The following PPP2R2B variants were observed in gnomAD, a reference collection of about 807,000 sequenced individuals.
PPP2R2B encodes the protein protein phosphatase 2 regulatory subunit Bbeta, also known as serine/threonine-protein phosphatase 2A 55 kDa regulatory subunit B beta isoform.
Under a neutral mutation model 46.0 loss-of-function variants are expected in PPP2R2B, and 5 were observed. That is an observed-to-expected ratio of 0.11 (90% confidence interval 0.06 to 0.23). PPP2R2B has a LOEUF of 0.23. PPP2R2B is among the 10% of genes least tolerant of loss of function. The pLI is 1.00. For missense variants in PPP2R2B, 367 were observed against 575.0 expected, an observed-to-expected ratio of 0.64 and a Z score of 3.70; for synonymous variants, 215 against 206.7, an observed-to-expected ratio of 1.04 and a Z score of -0.34.
chr5:146,682,209 T>G (rs1778220279), intron 5 of PPP2R2B, among the ~76,000 whole-genome samples: 1 of 152,218 alleles, frequency 6.6e-6, no homozygotes, highest in African/African-American at 2.4e-5. Context: ...ACACTCTGAA[T>G]GCAAGGCAGC....
chr5:146,900,750 C>T (rs1762808463), intron 1 of PPP2R2B, among the ~76,000 whole-genome samples: 2 of 151,926 alleles, frequency 1.3e-5, no homozygotes, highest in Non-Finnish European at 2.9e-5. Context: ...TTAAGCCGGG[C>T]ATGCATTAGC....
At chr5:146,881,655 A>G (rs1561984664), upstream of PPP2R2B, among the ~76,000 whole-genome samples, 1 of 152,086 alleles carries the variant, frequency 6.6e-6, no homozygotes, top group Non-Finnish European at 1.5e-5. Context: ...TCAGTGATCT[A>G]CCTGACTGGG....
chr5:146,687,317 A>G (rs1427840987), intron 5 of PPP2R2B, among the ~76,000 whole-genome samples: 2 of 152,156 alleles, frequency 1.3e-5, no homozygotes, highest in African/African-American at 2.4e-5. Flanking sequence ...CGAAGGGCTC[A>G]GGTCCCAGAG....
At chr5:146,664,254 A>T (rs571530576) in intron 5 of PPP2R2B, among the ~76,000 whole-genome samples, 36 of 152,328 alleles carry the variant, frequency 2.4e-4, no homozygotes, top group African/African-American at 8.7e-4. Context: ...TTATCCACAG[A>T]ACTTCTTTCA....
At chr5:147,054,804 T>C in intron 1 of PPP2R2B, 1 of 401,556 alleles carries the variant, frequency 2.5e-6, no homozygotes, top group South Asian at 1.8e-5. Flanking sequence ...AGGACAATCC[T>C]TAAGCCTGAA....
chr5:146,593,958 G>A (rs1770918512), intron 8 of PPP2R2B, among the ~76,000 whole-genome samples: 1 of 152,234 alleles, frequency 6.6e-6, no homozygotes. Context: ...GGCATGAGCA[G>A]TGATGGGGAC....
intron 3 of PPP2R2B, among the ~76,000 whole-genome samples, chr5:146,700,655 T>C (rs1561843079): frequency 6.6e-6 from 1 of 152,184 alleles, no homozygotes; most frequent in African/African-American, 2.4e-5. Context: ...TGTTGGCAAA[T>C]AAACTATGTT....
intron 2 of PPP2R2B, among the ~76,000 whole-genome samples, chr5:146,732,164 T>A (rs1309020449): frequency 2.0e-5 from 3 of 152,200 alleles, no homozygotes; most frequent in African/African-American, 7.2e-5. Context: ...ATTCTGCTTC[T>A]AACTTACGGT....
At chr5:146,863,978 C>T (rs1432775904) in intron 2 of PPP2R2B, among the ~76,000 whole-genome samples, 6 of 152,112 alleles carry the variant, frequency 3.9e-5, no homozygotes, top group Non-Finnish European at 7.4e-5. Flanking sequence ...AGGGCCATAG[C>T]AATTACAAAG....
rs901144854 is a variant in PPP2R2B, at chr5:146,802,927, G to A, written c.70+75075C>T. Among the ~76,000 whole-genome samples the A allele has an allele frequency of 6.6e-5, 10 of 152,164 alleles. No homozygotes were observed. In the East Asian group the frequency reaches 7.7e-4, roughly 12 times the overall value. The stretch of plus-strand genomic sequence containing the variant: ...AACCTGGCTATTAGAACTAAGCTTC[G>A]GATAAATTTTACTCCTGTCCTCACT... On this transcript the variant is annotated intron_variant, in intron 2 of 9. Coordinates refer to ENST00000394411, the MANE Select transcript of PPP2R2B (RefSeq NM_181675.4).
chr5:147,005,189 G>A (rs1023074822), intron 1 of PPP2R2B, among the ~76,000 whole-genome samples: 6 of 152,100 alleles, frequency 3.9e-5, no homozygotes, highest in Admixed American at 1.3e-4. Flanking sequence ...TCATGCTGCC[G>A]GATATGATCT....
At position 146,615,394 on chromosome 5, in the gene PPP2R2B, C is replaced by G. The variant is rs376405654; in HGVS notation, c.791-14934G>C. Reference sequence around the variant, plus strand: ...GGAGGGATAGCATTGGGAGATATACCTAATGCTAGATGACACGTTAGTGGG... The same window carrying G: ...GGAGGGATAGCATTGGGAGATATACGTAATGCTAGATGACACGTTAGTGGG... On this transcript the variant is annotated intron_variant, in intron 7 of 9. Coordinates refer to ENST00000394411, the MANE Select transcript of PPP2R2B (RefSeq NM_181675.4). Among the ~76,000 whole-genome samples, 325 of 106,676 alleles carry G rather than the reference C, an allele frequency of 3.0e-3. 2 individuals carry two copies. The highest frequency in any genetic ancestry group is 0.012 in the African/African-American group (308 of 25,678). The allele number at this position is 106,676 out of a possible 152,430, so 70.0% of individuals were successfully genotyped here. A position where few individuals can be genotyped will look rare whatever the true frequency, so the allele number is the denominator to read the frequency against.
chr5:146,596,113 T>C (rs558417074), intron 8 of PPP2R2B, among the ~76,000 whole-genome samples: 51 of 152,334 alleles, frequency 3.3e-4, no homozygotes, highest in African/African-American at 1.2e-3. Flanking sequence ...GAAGCAGCCA[T>C]AGAAGATATG....
At chr5:146,775,217 A>G (rs1490675197) in intron 2 of PPP2R2B, among the ~76,000 whole-genome samples, 1 of 152,218 alleles carries the variant, frequency 6.6e-6, no homozygotes, top group Non-Finnish European at 1.5e-5. Context: ...AACACATTTT[A>G]TGAATACCGA....
chr5:146,980,153 T>C (rs1487995686), intron 1 of PPP2R2B, among the ~76,000 whole-genome samples: 2 of 152,136 alleles, frequency 1.3e-5, no homozygotes, highest in Non-Finnish European at 2.9e-5. Flanking sequence ...CAGAACAGTA[T>C]GTAGAACATG....
At chr5:146,820,988 G>C (rs1456252878) in intron 2 of PPP2R2B, among the ~76,000 whole-genome samples, 1 of 152,058 alleles carries the variant, frequency 6.6e-6, no homozygotes, top group Non-Finnish European at 1.5e-5. Context: ...ACCAAGATTA[G>C]TGCATCGCCT....
At chr5:146,877,979 G>A (rs775370879) in intron 2 of PPP2R2B, 23 bp downstream of exon 2, 4 of 1,608,440 alleles carry the variant, frequency 2.5e-6, no homozygotes, top group South Asian at 2.2e-5. Context: ...CCCAACGGCG[G>A]AATGCGGCGG....
chr5:147,012,004 A>G (rs911777737), intron 1 of PPP2R2B, among the ~76,000 whole-genome samples: 1 of 148,260 alleles, frequency 6.7e-6, no homozygotes, highest in African/African-American at 2.5e-5. Context: ...GGATTTTTGC[A>G]TCAATGTTCA....
chr5:146,678,202 G>A (rs1219068065), intron 5 of PPP2R2B, among the ~76,000 whole-genome samples: 1 of 152,094 alleles, frequency 6.6e-6, no homozygotes, highest in Non-Finnish European at 1.5e-5. Flanking sequence ...CCATGATCAA[G>A]TGGGCTTCAT....
Sources: allele counts gnomAD v4.1 joint callset (sites outside exome capture counted in the v4.1 genomes callset), GRCh38; gene constraint gnomAD v4.1.1; transcripts MANE v1.5; gene names NCBI Gene and HGNC (gene_info 2026-07-23, HGNC 2026-07-21).